The following LMNTD1 variants were observed in gnomAD, a reference collection of about 807,000 sequenced individuals.
The protein encoded by LMNTD1 is lamin tail domain containing 1.
In LMNTD1, 35 loss-of-function variants were observed where a neutral mutation model predicts 50.9. The ratio of observed to expected loss-of-function variants is 0.69; its 90% CI spans 0.53 to 0.91. LMNTD1 has a LOEUF of 0.91. LMNTD1 is among the 40% of genes least tolerant of loss of function. The pLI is 0.00. For missense variants in LMNTD1, 470 were observed against 475.5 expected (o/e 0.99, Z 0.11); for synonymous variants, 153 against 161.9 (o/e 0.94, Z 0.42).
intron 1 of LMNTD1, among the ~76,000 whole-genome samples, chr12:25,587,127 C>T (rs1003891966): frequency 1.3e-5 from 2 of 152,192 alleles, no homozygotes; most frequent in Non-Finnish European, 2.9e-5. Flanking sequence ...TCTTAACACA[C>T]TGAACTCTAA....
At chr12:25,631,719 G>A (rs1208176321) in intron 1 of LMNTD1, among the ~76,000 whole-genome samples, 1 of 152,030 alleles carries the variant, frequency 6.6e-6, no homozygotes, top group Non-Finnish European at 1.5e-5. Flanking sequence ...AACCAACCAT[G>A]GTAATATGAC....
chr12:25,521,138 C>CT (rs34816626), intron 6 of LMNTD1, among the ~76,000 whole-genome samples: 8 of 151,336 alleles, frequency 5.3e-5, no homozygotes, highest in East Asian at 1.9e-4. Context: ...GGTTTGCAAA[C>CT]TTTTTTTTTT....
intron 4 of LMNTD1, among the ~76,000 whole-genome samples, chr12:25,527,859 A>T (rs886761236): frequency 6.6e-6 from 1 of 150,968 alleles, no homozygotes; most frequent in East Asian, 1.9e-4. Flanking sequence ...AAGCAAAAAA[A>T]TTTTTTTAAA....
upstream of LMNTD1, among the ~76,000 whole-genome samples, chr12:25,555,596 T>C (rs2136277728): frequency 6.6e-6 from 1 of 152,302 alleles, no homozygotes; most frequent in African/African-American, 2.4e-5. Context: ...ATGATTATGT[T>C]TTTTGAAAAG....
At chr12:25,608,346 T>C (rs1946163143) in intron 1 of LMNTD1, among the ~76,000 whole-genome samples, 1 of 152,206 alleles carries the variant, frequency 6.6e-6, no homozygotes. Context: ...AAGGTTAATA[T>C]TGTGATCTGT....
chr12:25,558,854 A>G lies in LMNTD1; in HGVS notation c.59-12300T>C, dbSNP rs570888108. ...AATTACTTCCCATTGAGTCCCTCCCATGACACGTGGGGGTTACTACAATTC... is the reference window on the plus strand; with the variant it reads ...AATTACTTCCCATTGAGTCCCTCCCGTGACACGTGGGGGTTACTACAATTC... On this transcript the variant is annotated intron_variant, in intron 1 of 7. Transcript: ENST00000445693. 9.9e-5 allele frequency among the ~76,000 whole-genome samples: 15 copies of G among 152,264 alleles called. No homozygotes were observed. The South Asian group carries it at 2.3e-3, about 23-fold the overall frequency.
At chr12:25,572,992 T>G (rs1944857829) in intron 1 of LMNTD1, among the ~76,000 whole-genome samples, 1 of 152,012 alleles carries the variant, frequency 6.6e-6, no homozygotes, top group Non-Finnish European at 1.5e-5. Flanking sequence ...TAATCCTCAG[T>G]CTCCTTCTGC....
chr12:25,542,486 C>T (rs1163741091), intron 4 of LMNTD1, among the ~76,000 whole-genome samples: 1 of 146,552 alleles, frequency 6.8e-6, no homozygotes, highest in Admixed American at 7.1e-5. Flanking sequence ...AAACCAAACA[C>T]TGCATATTCT....
At chr12:25,493,834 A>T (rs1367698271) in intron 9 of LMNTD1, among the ~76,000 whole-genome samples, 1 of 152,154 alleles carries the variant, frequency 6.6e-6, no homozygotes, top group Non-Finnish European at 1.5e-5. Flanking sequence ...AACATGTCTG[A>T]GGGATGCTGT....
intron 9 of LMNTD1, among the ~76,000 whole-genome samples, chr12:25,489,071 C>T (rs1432724416): frequency 2.0e-5 from 3 of 152,190 alleles, no homozygotes; most frequent in East Asian, 3.9e-4. Context: ...GAGGTTACTG[C>T]TGTCTTTTTG....
intron 8 of LMNTD1, among the ~76,000 whole-genome samples, chr12:25,505,676 C>A (rs966542560): frequency 2.0e-5 from 3 of 152,190 alleles, no homozygotes; most frequent in East Asian, 1.9e-4. Context: ...AGAATATGCA[C>A]AGGACCCGTT....
chr12:25,519,362 C>T (rs1224608085), intron 7 of LMNTD1, among the ~76,000 whole-genome samples: 2 of 76,400 alleles, frequency 2.6e-5, no homozygotes, highest in Non-Finnish European at 3.5e-5. Flanking sequence ...GAGGCCAAGG[C>T]GGGCGGATCA....
intron 3 of LMNTD1, among the ~76,000 whole-genome samples, chr12:25,547,659 C>A (rs1026991137): frequency 1.3e-5 from 2 of 151,758 alleles, no homozygotes; most frequent in Non-Finnish European, 3.0e-5. Context: ...TTTGGAATTA[C>A]ATTAGTTCAT....
Position 25,540,831 on chromosome 12 carries a change from T to C in LMNTD1, c.491+5543A>G, listed in dbSNP as rs1275951413. 1.6e-3 allele frequency among the ~76,000 whole-genome samples: 194 copies of C among 119,386 alleles called. 1 individual carries two copies. Among genetic ancestry groups the C allele is most frequent in the African/African-American group, 4.9e-3 (172 of 35,290 alleles). 78.3% of individuals were successfully genotyped at this position (119,386 alleles called of 152,430 possible). On this transcript the variant is annotated intron_variant, in intron 4 of 9. Transcript: ENST00000458174. ...TGATTGTATATCTAGAAAACCCCATTGTCTCAGCCCAAAATCTCCTTAAGC... is the reference window on the plus strand; with the variant it reads ...TGATTGTATATCTAGAAAACCCCATCGTCTCAGCCCAAAATCTCCTTAAGC...
intron 4 of LMNTD1, among the ~76,000 whole-genome samples, chr12:25,527,667 TATATATATATATATACACACAC>T (rs1273241000): frequency 6.7e-3 from 154 of 23,096 alleles, no homozygotes; most frequent in Middle Eastern, 0.043. Context: ...TATATATATA[TATATATATATATATACACACAC>T]ACACACACAC....
At chr12:25,527,332 T>G (rs568974305) in intron 4 of LMNTD1, among the ~76,000 whole-genome samples, 15 of 152,050 alleles carry the variant, frequency 9.9e-5, no homozygotes, top group Admixed American at 4.6e-4. Flanking sequence ...TTACTTTATT[T>G]CTGATAAAGT....
At chr12:25,604,219 CTTT>C (rs1946044728) in intron 1 of LMNTD1, among the ~76,000 whole-genome samples, 1 of 152,062 alleles carries the variant, frequency 6.6e-6, no homozygotes, top group East Asian at 1.9e-4. Context: ...GCTTTCACTT[CTTT>C]GTTTAAATTC....
At chr12:25,647,946 C>T (rs1947109318) in intron 1 of LMNTD1, among the ~76,000 whole-genome samples, 1 of 151,954 alleles carries the variant, frequency 6.6e-6, no homozygotes, top group Non-Finnish European at 1.5e-5. Context: ...TCTTCCTTTC[C>T]TTCCTTCATT....
intron 1 of LMNTD1, among the ~76,000 whole-genome samples, chr12:25,571,118 G>A (rs543536853): frequency 1.2e-4 from 18 of 152,202 alleles, no homozygotes; most frequent in Admixed American, 9.2e-4. Flanking sequence ...AAGGGGTCCC[G>A]TAAATTCTAT....
Sources: allele counts gnomAD v4.1 joint callset (sites outside exome capture counted in the v4.1 genomes callset), GRCh38; gene constraint gnomAD v4.1.1; transcripts MANE v1.5; gene names NCBI Gene and HGNC (gene_info 2026-07-23, HGNC 2026-07-21).